TENM3: variants seen among roughly 807,000 people sequenced by gnomAD.
TENM3 encodes teneurin-3.
A neutral mutation model predicts 255.1 loss-of-function variants in TENM3; 63 were observed. That is an observed-to-expected ratio of 0.25 (90% confidence interval 0.20 to 0.30). TENM3 has a LOEUF of 0.30. Ranked by LOEUF, TENM3 falls within the 10% of genes least tolerant of loss-of-function variation. The pLI, the probability that TENM3 is intolerant of heterozygous loss-of-function variation, is 1.00. For missense variants in TENM3, 2,929 were observed against 3,461.1 expected (o/e 0.85, Z 3.86); for synonymous variants, 1,306 against 1,322.3 (o/e 0.99, Z 0.27).
At chr4:181,666,424 C>T in the TENM3 span, among the ~76,000 whole-genome samples, 1 of 152,064 alleles carries the variant, frequency 6.6e-6, no homozygotes, top group Non-Finnish European at 1.5e-5. Flanking sequence ...AGCTTGTGCC[C>T]CCATTCCTAC....
the TENM3 span, among the ~76,000 whole-genome samples, chr4:182,098,706 T>C: frequency 6.6e-6 from 1 of 152,016 alleles, no homozygotes; most frequent in African/African-American, 2.4e-5. Context: ...AAGGGGGTGG[T>C]TAATGGATCT....
At chr4:181,717,005 G>A in the TENM3 span, among the ~76,000 whole-genome samples, 140 of 152,260 alleles carry the variant, frequency 9.2e-4, no homozygotes, top group Non-Finnish European at 1.6e-3. Flanking sequence ...GAATGTACTA[G>A]TCTTTTAGCC....
chr4:181,724,018 T>A, the TENM3 span, among the ~76,000 whole-genome samples: 1 of 152,190 alleles, frequency 6.6e-6, no homozygotes, highest in African/African-American at 2.4e-5. Flanking sequence ...GAAGAGAGAA[T>A]GAGCAGATGT....
chr4:181,824,550 G>A, the TENM3 span, among the ~76,000 whole-genome samples: 771 of 152,192 alleles, frequency 5.1e-3, 5 homozygotes, highest in African/African-American at 0.017. Context: ...AACCAGAAAA[G>A]TATATATACT....
chr4:181,966,347 G>C, the TENM3 span, among the ~76,000 whole-genome samples: 4 of 152,218 alleles, frequency 2.6e-5, no homozygotes, highest in South Asian at 2.1e-4. Context: ...CATTTGGTAG[G>C]GAGCCATATG....
chr4:181,489,414 GTTAAA>G, the TENM3 span, among the ~76,000 whole-genome samples: 1 of 152,104 alleles, frequency 6.6e-6, no homozygotes, highest in Non-Finnish European at 1.5e-5. Flanking sequence ...GTGTGCAATA[GTTAAA>G]TTCAAATAAG....
chr4:182,215,451 T>G (rs1020510486), intron 1 of TENM3, among the ~76,000 whole-genome samples: 2 of 152,096 alleles, frequency 1.3e-5, no homozygotes, highest in African/African-American at 4.8e-5. Context: ...TGTGGTGGTG[T>G]TTTGCTTTAA....
intron 1 of TENM3, among the ~76,000 whole-genome samples, chr4:182,162,619 AT>A (rs1246822777): frequency 6.6e-6 from 1 of 152,172 alleles, no homozygotes; most frequent in Non-Finnish European, 1.5e-5. Context: ...TTTATAGACA[AT>A]AGAAATTTAT....
At chr4:181,899,673 T>C in the TENM3 span, among the ~76,000 whole-genome samples, 1 of 152,124 alleles carries the variant, frequency 6.6e-6, no homozygotes, top group Non-Finnish European at 1.5e-5. Context: ...GTTCAAGTGA[T>C]TCTCCTGCCT....
the TENM3 span, among the ~76,000 whole-genome samples, chr4:181,838,133 C>T: frequency 7.7e-5 from 4 of 51,678 alleles, no homozygotes; most frequent in Non-Finnish European, 1.5e-4. Context: ...AGCAAGACTC[C>T]ATCTCAAAAA....
the TENM3 span, among the ~76,000 whole-genome samples, chr4:182,046,349 T>A: frequency 2.0e-5 from 3 of 152,024 alleles, no homozygotes; most frequent in Non-Finnish European, 4.4e-5. Context: ...TCCCTACTAT[T>A]GATTTATGAA....
the TENM3 span, among the ~76,000 whole-genome samples, chr4:181,558,013 A>G: frequency 6.6e-6 from 1 of 152,200 alleles, no homozygotes; most frequent in Non-Finnish European, 1.5e-5. Flanking sequence ...TTCCTCTTCA[A>G]ATGAGAGGCT....
At chr4:182,312,029 G>C (rs997945829) in intron 1 of TENM3, among the ~76,000 whole-genome samples, 3 of 152,158 alleles carry the variant, frequency 2.0e-5, no homozygotes, top group Middle Eastern at 3.2e-3. Flanking sequence ...GCACCATATG[G>C]GGGTGTGAGC....
upstream of TENM3, chr4:182,144,179 CCTCCT>C (rs1183425262): frequency 1.4e-5 from 2 of 142,726 alleles, no homozygotes; most frequent in Non-Finnish European, 3.0e-5. Context: ...CCTCTCCTCT[CCTCCT>C]CTCCCTCGCA....
At chr4:182,006,972 A>G in the TENM3 span, among the ~76,000 whole-genome samples, 1 of 152,094 alleles carries the variant, frequency 6.6e-6, no homozygotes, top group Non-Finnish European at 1.5e-5. Context: ...TGTCTGCCTT[A>G]ATTTCATCAT....
At chr4:182,207,479 C>G (rs1307270938) in intron 1 of TENM3, among the ~76,000 whole-genome samples, 1 of 152,106 alleles carries the variant, frequency 6.6e-6, no homozygotes, top group African/African-American at 2.4e-5. Flanking sequence ...AGCATGCTTC[C>G]CAGCCCATGC....
At chr4:182,614,455 A>AGGC in intron 4 of TENM3, among the ~76,000 whole-genome samples, 2 of 152,298 alleles carry the variant, frequency 1.3e-5, no homozygotes, top group South Asian at 4.1e-4. Flanking sequence ...ATTCAAGGAA[A>AGGC]AATAATGAAT....
intron 3 of TENM3, among the ~76,000 whole-genome samples, chr4:182,536,611 G>A (rs903333148): frequency 4.6e-5 from 7 of 152,196 alleles, no homozygotes; most frequent in Admixed American, 2.0e-4. Context: ...ATAAGCAGAT[G>A]TGACTGCTGC....
At chr4:182,779,206 G>T (rs532456952) in intron 24 of TENM3, among the ~76,000 whole-genome samples, 2 of 143,260 alleles carry the variant, frequency 1.4e-5, no homozygotes, top group Admixed American at 1.4e-4. Context: ...ATCCCTCCCC[G>T]CTCCCCCCAC....
Sources: gnomAD v4.1 joint callset for allele counts (sites outside exome capture counted in the v4.1 genomes callset) on GRCh38, gnomAD v4.1.1 for gene constraint, MANE v1.5 for transcripts, NCBI Gene and HGNC (gene_info 2026-07-23, HGNC 2026-07-21) for gene names.